Variants in SCAPER observed in about 807,000 individuals in gnomAD.
SCAPER encodes the protein S-phase cyclin A associated protein in the ER, also known as S phase cyclin A-associated protein in the endoplasmic reticulum.
In SCAPER, 98 loss-of-function variants were observed where a neutral mutation model predicts 182.2. That is an observed-to-expected ratio of 0.54 (90% CI 0.46 to 0.64). SCAPER has a LOEUF of 0.64. Ranked by LOEUF, SCAPER falls within the 30% of genes least tolerant of loss-of-function variation. SCAPER has a pLI of 0.00. For synonymous variants in SCAPER, 605 were observed against 564.6 expected, an observed-to-expected ratio of 1.07 and a Z score of -1.01; for missense variants, 1,432 against 1,690.0, an observed-to-expected ratio of 0.85 and a Z score of 2.68.
chr15:76,714,138 G>C lies in SCAPER; in HGVS notation c.2166-8154C>G, dbSNP rs551526074. Among the ~76,000 whole-genome samples, 3 of 152,264 alleles carry C rather than the reference G, an allele frequency of 2.0e-5. No homozygotes were observed. The East Asian group carries it at 5.8e-4, about 29-fold the overall frequency. On this transcript the variant is annotated intron_variant, in intron 17 of 31. Transcript: ENST00000563290. ...AGAGTAAAAGATGACAGACAAGAGAGAAAGTAAATCAGTGGCTGTGTTGGG... is the reference window on the plus strand; with the variant it reads ...AGAGTAAAAGATGACAGACAAGAGACAAAGTAAATCAGTGGCTGTGTTGGG...
intron 21 of SCAPER, among the ~76,000 whole-genome samples, chr15:76,662,226 C>T (rs2146711400): frequency 6.6e-6 from 1 of 152,178 alleles, no homozygotes; most frequent in Non-Finnish European, 1.5e-5. Context: ...CTAATGTATG[C>T]TGGACTTAAT....
At chr15:76,466,946 G>A (rs1001966663) in intron 25 of SCAPER, among the ~76,000 whole-genome samples, 2 of 152,076 alleles carry the variant, frequency 1.3e-5, no homozygotes, top group African/African-American at 4.8e-5. Flanking sequence ...CTTCAATGTT[G>A]GAGGAAGGGC....
chr15:76,528,363 C>G (rs1294975009), intron 23 of SCAPER, among the ~76,000 whole-genome samples: 1 of 152,038 alleles, frequency 6.6e-6, no homozygotes, highest in African/African-American at 2.4e-5. Flanking sequence ...CTAGATCTCT[C>G]TTCTAAATCT....
At chr15:76,548,124 A>AT (rs1295169684) in intron 23 of SCAPER, among the ~76,000 whole-genome samples, 2 of 151,660 alleles carry the variant, frequency 1.3e-5, no homozygotes, top group Non-Finnish European at 2.9e-5. Flanking sequence ...CCGTTCAGAA[A>AT]AAAAAAGTGC....
chr15:76,875,589 G>C (rs2073084275), intron 2 of SCAPER, among the ~76,000 whole-genome samples: 1 of 152,232 alleles, frequency 6.6e-6, no homozygotes, highest in African/African-American at 2.4e-5. Flanking sequence ...GTTGCAGTGA[G>C]CTGAGACTGT....
intron 14 of SCAPER, among the ~76,000 whole-genome samples, chr15:76,764,237 A>G (rs1368365654): frequency 6.6e-6 from 1 of 152,210 alleles, no homozygotes; most frequent in Non-Finnish European, 1.5e-5. Context: ...ATATGTATGC[A>G]TTGGCGTGGC....
At chr15:76,729,289 TACACATACAC>T (rs2060775087) in intron 16 of SCAPER, among the ~76,000 whole-genome samples, 1 of 101,746 alleles carries the variant, frequency 9.8e-6, no homozygotes, top group Non-Finnish European at 2.0e-5. Context: ...CACATATATA[TACACATACAC>T]ACACACACAC....
chr15:76,641,033 T>C (rs1160325624), intron 21 of SCAPER, among the ~76,000 whole-genome samples: 2 of 152,162 alleles, frequency 1.3e-5, no homozygotes, highest in Admixed American at 1.3e-4. Flanking sequence ...GATAGGGCTA[T>C]AAACACCCTC....
chr15:76,404,768 T>G, intron 26 of SCAPER, 89 bp from the exon 27 acceptor site: 1 of 1,328,368 alleles, frequency 7.5e-7, no homozygotes, highest in East Asian at 2.5e-5. Context: ...TACACAGGCT[T>G]GGACCCCTCA....
At chr15:76,383,502 T>C (rs960258099) in intron 27 of SCAPER, among the ~76,000 whole-genome samples, 2 of 152,228 alleles carry the variant, frequency 1.3e-5, no homozygotes, top group African/African-American at 4.8e-5. Flanking sequence ...TGTTCTCTAC[T>C]CAAGAAAGAA....
At chr15:76,790,022 A>G (rs192577283) in intron 8 of SCAPER, among the ~76,000 whole-genome samples, 26 of 152,148 alleles carry the variant, frequency 1.7e-4, no homozygotes, top group African/African-American at 6.0e-4. Flanking sequence ...AGGTCAGGAG[A>G]TTGAGACCAT....
chr15:76,368,436 C>T (rs1022261093), intron 29 of SCAPER, among the ~76,000 whole-genome samples: 2 of 152,218 alleles, frequency 1.3e-5, no homozygotes, highest in African/African-American at 4.8e-5. Context: ...AATTTGTAGT[C>T]AAATTAACGT....
chr15:76,895,669 T>C (rs1351092082), intron 1 of SCAPER, among the ~76,000 whole-genome samples: 1 of 152,118 alleles, frequency 6.6e-6, no homozygotes, highest in Non-Finnish European at 1.5e-5. Flanking sequence ...AGTTGTAGTA[T>C]ACAAAATCAA....
intron 15 of SCAPER, among the ~76,000 whole-genome samples, chr15:76,741,634 A>G (rs2061543887): frequency 6.6e-6 from 1 of 152,150 alleles, no homozygotes; most frequent in African/African-American, 2.4e-5. Flanking sequence ...GACTCCAAAG[A>G]AGATGTCAGA....
At chr15:76,702,171 A>G (rs1344592307) in intron 19 of SCAPER, among the ~76,000 whole-genome samples, 1 of 141,322 alleles carries the variant, frequency 7.1e-6, no homozygotes, top group Non-Finnish European at 1.6e-5. Flanking sequence ...TCAAAACAAA[A>G]CAAAACAAAA....
chr15:76,546,050 A>C (rs1291300316), intron 23 of SCAPER, among the ~76,000 whole-genome samples: 3 of 152,158 alleles, frequency 2.0e-5, no homozygotes, highest in Non-Finnish European at 4.4e-5. Flanking sequence ...GAAGAAACCC[A>C]AAAATAGCTA....
At chr15:76,452,396 A>T (rs1229685328) in intron 25 of SCAPER, among the ~76,000 whole-genome samples, 1 of 152,230 alleles carries the variant, frequency 6.6e-6, no homozygotes, top group Admixed American at 6.5e-5. Flanking sequence ...CATTTTCCTA[A>T]ATCTTCATAT....
chr15:76,611,287 G>A (rs1406897297), intron 22 of SCAPER, among the ~76,000 whole-genome samples: 3 of 151,766 alleles, frequency 2.0e-5, no homozygotes, highest in Non-Finnish European at 2.9e-5. Flanking sequence ...TGTAAGACTC[G>A]AAACTATAAA....
intron 24 of SCAPER, among the ~76,000 whole-genome samples, chr15:76,491,514 T>C (rs2052305938): frequency 6.6e-6 from 1 of 152,244 alleles, no homozygotes; most frequent in Non-Finnish European, 1.5e-5. Flanking sequence ...TGTTTATCTT[T>C]TTGAGATAGT....
Sources: gnomAD v4.1 joint callset for allele counts (sites outside exome capture counted in the v4.1 genomes callset) on GRCh38, gnomAD v4.1.1 for gene constraint, MANE v1.5 for transcripts, NCBI Gene and HGNC (gene_info 2026-07-23, HGNC 2026-07-21) for gene names.